PHACTR4: variants seen among roughly 807,000 people sequenced by gnomAD.
The protein encoded by PHACTR4 is phosphatase and actin regulator 4, also known as protein phosphatase 1, regulatory subunit 124.
Under a neutral mutation model 72.7 loss-of-function variants are expected in PHACTR4, and 51 were observed. That is an observed-to-expected ratio of 0.70 (90% CI 0.56 to 0.89). The LOEUF is 0.89. Ranked by LOEUF, PHACTR4 falls within the 40% of genes least tolerant of loss-of-function variation. The pLI is 0.00. For synonymous variants in PHACTR4, 255 were observed against 302.5 expected (o/e 0.84, Z 1.63); for missense variants, 731 against 861.8 (o/e 0.85, Z 1.90).
intron 1 of PHACTR4, among the ~76,000 whole-genome samples, chr1:28,376,093 A>C (rs924233964): frequency 9.9e-5 from 15 of 151,640 alleles, no homozygotes; most frequent in South Asian, 8.3e-4. Context: ...AACAAACAAA[A>C]AAAACTTTCA....
intron 2 of PHACTR4, among the ~76,000 whole-genome samples, chr1:28,443,706 C>T (rs920818273): frequency 9.9e-5 from 15 of 152,114 alleles, no homozygotes; most frequent in Non-Finnish European, 1.5e-5. Context: ...CTTCCTGCCT[C>T]AGCCTTCCAA....
intron 4 of PHACTR4, 49 bp from the exon 5 acceptor site, chr1:28,465,636 A>C: frequency 1.3e-6 from 2 of 1,539,998 alleles, no homozygotes; most frequent in Non-Finnish European, 1.8e-6. Context: ...TCTTCTTTCT[A>C]TCTGTTCATG....
chr1:28,476,119 A>G lies in PHACTR4; in HGVS notation c.1434A>G (p.Glu478=), dbSNP rs918971166. Residue 478 remains glutamate, a synonymous_variant, in exon 8 of 14, where the codon GAA becomes GAG. Coordinates refer to ENST00000373839, the MANE Select transcript of PHACTR4 (RefSeq NM_001048183.3). ...TIEMLKVPDD[E]EEEEQTCPST... is the part of the protein sequence containing the mutation. ...GTTAATTTGTTAGTCCAGACGATGAAGAAGAAGAGGAGCAAACCTGTCCAT... is the reference window on the plus strand; with the variant it reads ...GTTAATTTGTTAGTCCAGACGATGAGGAAGAAGAGGAGCAAACCTGTCCAT... 1.7e-5 allele frequency: 28 copies of G among 1,602,218 alleles called. No individual in the cohort carries two copies. The highest frequency in any genetic ancestry group is 2.2e-5 in the Non-Finnish European group (26 of 1,177,226).
At position 28,473,707 on chromosome 1, in the gene PHACTR4, G is replaced by A. The variant is rs1340408982; in HGVS notation, c.977G>A (p.Ser326Asn). 1 of 1,614,058 alleles carries A rather than the reference G, an allele frequency of 6.2e-7. No homozygotes were observed. Among genetic ancestry groups the A allele is most frequent in the South Asian group, 1.1e-5 (1 of 91,084 alleles). ...TKTPSDEREK[S>N]TCSMGSELLP... Reference sequence around the variant, plus strand: ...ACACCAAGTGATGAAAGAGAGAAGAGCACGTGTTCTATGGGCTCGGAACTA... The same window carrying A: ...ACACCAAGTGATGAAAGAGAGAAGAACACGTGTTCTATGGGCTCGGAACTA... Residue 326 changes from serine to asparagine, a missense_variant, in exon 7 of 14, where the codon AGC becomes AAC. Ser to Asn is a conservative substitution (Grantham distance 46). Coordinates refer to ENST00000373839, the MANE Select transcript of PHACTR4 (RefSeq NM_001048183.3).
intron 13 of PHACTR4, 87 bp downstream of exon 13, chr1:28,493,178 T>A: frequency 1.8e-6 from 2 of 1,128,236 alleles, no homozygotes; most frequent in Non-Finnish European, 2.6e-6. Context: ...ATGACATCAG[T>A]AAAAAGGAAA....
chr1:28,435,830 A>G (rs1041787379), intron 2 of PHACTR4, among the ~76,000 whole-genome samples: 2 of 152,206 alleles, frequency 1.3e-5, no homozygotes, highest in Admixed American at 6.5e-5. Context: ...CCCATTTTAC[A>G]ATAGTGGAAA....
chr1:28,491,805 T>C lies in PHACTR4; in HGVS notation c.2016+18T>C, dbSNP rs774906392. The C allele has an allele frequency of 6.2e-7, 1 of 1,604,042 alleles. No individual in the cohort carries two copies. Among genetic ancestry groups the C allele is most frequent in the Admixed American group, 1.8e-5 (1 of 57,054 alleles). ...CTGACAAGGTACCTGGAAAGCACTC[T>C]CTTGCTTTTTTTCTCTTTCTCTTTT... On this transcript the variant is annotated intron_variant, in intron 12 of 13. Coordinates refer to ENST00000373839, the MANE Select transcript of PHACTR4 (RefSeq NM_001048183.3).
chr1:28,440,174 C>T (rs1224937726), intron 2 of PHACTR4, among the ~76,000 whole-genome samples: 2 of 150,872 alleles, frequency 1.3e-5, no homozygotes, highest in South Asian at 2.1e-4. Flanking sequence ...TGGTGGCGGG[C>T]GCCTGTAGCC....
At chr1:28,456,257 G>T (rs560206380) in intron 2 of PHACTR4, among the ~76,000 whole-genome samples, 4 of 152,138 alleles carry the variant, frequency 2.6e-5, no homozygotes, top group African/African-American at 9.7e-5. Flanking sequence ...AGCATGTCAC[G>T]TGACCAGAGC....
In PHACTR4 at chr1:28,491,092, G is replaced by C. The variant is rs1661010148; in HGVS notation, c.1878+80G>C. The C allele has an allele frequency of 9.3e-6, 13 of 1,404,594 alleles. 1 individual carries two copies. In the South Asian group the frequency reaches 1.5e-4, roughly 17 times the overall value. The allele number at this position is 1,404,594 out of a possible 1,614,324, so 87.0% of individuals were successfully genotyped here. ...TTGATTGGAAATGAATTCACAGCTG[G>C]GCACAGTGGCTTGCGCCTGTAATCC... On this transcript the variant is annotated intron_variant, in intron 11 of 13. Coordinates refer to ENST00000373839, the MANE Select transcript of PHACTR4 (RefSeq NM_001048183.3).
At chr1:28,422,337 A>C (rs987645552) in intron 2 of PHACTR4, among the ~76,000 whole-genome samples, 1 of 152,232 alleles carries the variant, frequency 6.6e-6, no homozygotes, top group African/African-American at 2.4e-5. Flanking sequence ...ACAGTATAAA[A>C]ACTTTACATC....
intron 2 of PHACTR4, among the ~76,000 whole-genome samples, chr1:28,437,965 T>C (rs928312347): frequency 3.9e-5 from 6 of 152,174 alleles, no homozygotes; most frequent in Non-Finnish European, 4.4e-5. Flanking sequence ...AATTCTTTGG[T>C]GTACTCTTGA....
intron 2 of PHACTR4, among the ~76,000 whole-genome samples, chr1:28,455,775 G>A (rs966809819): frequency 4.6e-5 from 7 of 152,146 alleles, no homozygotes; most frequent in African/African-American, 9.7e-5. Flanking sequence ...TTGTCCTGGA[G>A]AGTAGGAAAA....
At chr1:28,376,882 C>G (rs139646042) in intron 1 of PHACTR4, among the ~76,000 whole-genome samples, 4,144 of 152,012 alleles carry the variant, frequency 0.027, 85 homozygotes, top group Non-Finnish European at 0.04. Flanking sequence ...CGTGATCCAC[C>G]TGTCTCGGCC....
intron 1 of PHACTR4, among the ~76,000 whole-genome samples, chr1:28,386,936 G>A (rs954309349): frequency 1.3e-5 from 2 of 152,158 alleles, no homozygotes; most frequent in Non-Finnish European, 2.9e-5. Context: ...GAAAGCTTAG[G>A]TGAGTTGATT....
At chr1:28,474,547 AT>A (rs539221138) in intron 7 of PHACTR4, among the ~76,000 whole-genome samples, 46 of 147,236 alleles carry the variant, frequency 3.1e-4, no homozygotes, top group South Asian at 1.1e-3. Flanking sequence ...AATGTGAATA[AT>A]TTTTTTTTTT....
At chr1:28,419,773 TATC>T (rs999790938) in intron 2 of PHACTR4, among the ~76,000 whole-genome samples, 18 of 152,322 alleles carry the variant, frequency 1.2e-4, no homozygotes, top group Admixed American at 1.1e-3. Context: ...ACTTAAATAA[TATC>T]AACATCTGCA....
intron 6 of PHACTR4, among the ~76,000 whole-genome samples, chr1:28,471,041 A>G (rs1418486574): frequency 6.6e-6 from 1 of 151,372 alleles, no homozygotes; most frequent in African/African-American, 2.4e-5. Context: ...AAAAAAAAAA[A>G]AAGAATTATA....
intron 1 of PHACTR4, among the ~76,000 whole-genome samples, chr1:28,377,463 C>G (rs147698147): frequency 1.3e-5 from 2 of 151,308 alleles, no homozygotes; most frequent in African/African-American, 4.9e-5. Context: ...TGGTTTTGAA[C>G]TCCTGACCTC....
Sources: allele counts gnomAD v4.1 joint callset (sites outside exome capture counted in the v4.1 genomes callset), GRCh38; gene constraint gnomAD v4.1.1; transcripts MANE v1.5; gene names NCBI Gene and HGNC (gene_info 2026-07-23, HGNC 2026-07-21).